CAMK2D: variants seen among roughly 807,000 people sequenced by gnomAD.
CAMK2D encodes the protein calcium/calmodulin-dependent protein kinase type II subunit delta.
CAMK2D carries 37 observed loss-of-function variants against 84.0 expected under a neutral mutation model. The ratio of observed to expected loss-of-function variants is 0.44; its 90% CI spans 0.34 to 0.58. CAMK2D has a LOEUF of 0.58. CAMK2D is among the 20% of genes least tolerant of loss of function. The pLI, the probability that CAMK2D is intolerant of heterozygous loss-of-function variation, is 0.02. For missense variants in CAMK2D, 448 were observed against 652.5 expected (o/e 0.69, Z 3.41); for synonymous variants, 202 against 212.5 (o/e 0.95, Z 0.43).
At chr4:113,699,166 A>G (rs748417891) in intron 2 of CAMK2D, among the ~76,000 whole-genome samples, 1 of 152,156 alleles carries the variant, frequency 6.6e-6, no homozygotes, top group Non-Finnish European at 1.5e-5. Flanking sequence ...AACAGAGTAC[A>G]GAAGAGGTTT....
At chr4:113,685,893 C>T (rs572735126) in intron 2 of CAMK2D, among the ~76,000 whole-genome samples, 2 of 151,776 alleles carry the variant, frequency 1.3e-5, no homozygotes, top group East Asian at 2.0e-4. Flanking sequence ...GTGAAACCCC[C>T]GTCTCTACTA....
intron 16 of CAMK2D, among the ~76,000 whole-genome samples, chr4:113,480,388 G>A (rs1252675853): frequency 6.6e-6 from 1 of 152,064 alleles, no homozygotes; most frequent in Admixed American, 6.5e-5. Flanking sequence ...ACCAAAGCGC[G>A]TCCTCCATTC....
intron 16 of CAMK2D, among the ~76,000 whole-genome samples, chr4:113,474,739 C>T (rs145032956): frequency 0.029 from 4,361 of 151,200 alleles, 216 homozygotes; most frequent in African/African-American, 0.098. Flanking sequence ...CTCCACCTCC[C>T]GGGTTCAAGC....
chr4:113,493,751 T>A (rs2097881736), intron 16 of CAMK2D, among the ~76,000 whole-genome samples: 1 of 151,814 alleles, frequency 6.6e-6, no homozygotes, highest in African/African-American at 2.4e-5. Flanking sequence ...CCAACTTGGT[T>A]CCATTCTCCC....
At chr4:113,756,549 T>A (rs1008882326) in intron 2 of CAMK2D, among the ~76,000 whole-genome samples, 6 of 152,092 alleles carry the variant, frequency 3.9e-5, no homozygotes, top group African/African-American at 1.4e-4. Flanking sequence ...TATTCATTAT[T>A]TTAAAAATTT....
At chr4:113,708,590 G>GT (rs533854215) in intron 2 of CAMK2D, among the ~76,000 whole-genome samples, 1,530 of 151,660 alleles carry the variant, frequency 0.01, 17 homozygotes, top group Non-Finnish European at 0.015. Flanking sequence ...GTGGGAGAAA[G>GT]TTTTTTTTTC....
intron 4 of CAMK2D, among the ~76,000 whole-genome samples, chr4:113,585,252 G>A (rs79779414): frequency 0.13 from 19,947 of 152,062 alleles, 1,469 homozygotes; most frequent in Non-Finnish European, 0.17. Flanking sequence ...AAGAGTAATT[G>A]ATTAATTAAT....
At chr4:113,625,999 G>C (rs1401657839) in intron 3 of CAMK2D, among the ~76,000 whole-genome samples, 1 of 150,954 alleles carries the variant, frequency 6.6e-6, no homozygotes, top group Non-Finnish European at 1.5e-5. Flanking sequence ...GGGTGACAGA[G>C]TGAGATATCA....
At chr4:113,566,670 C>G (rs2098725673) in intron 4 of CAMK2D, among the ~76,000 whole-genome samples, 1 of 152,130 alleles carries the variant, frequency 6.6e-6, no homozygotes, top group Non-Finnish European at 1.5e-5. Flanking sequence ...GCCACACTGG[C>G]CTTTGTTCTG....
chr4:113,569,563 T>G (rs1035512816), intron 4 of CAMK2D, among the ~76,000 whole-genome samples: 6 of 152,192 alleles, frequency 3.9e-5, no homozygotes, highest in African/African-American at 1.4e-4. Context: ...AAAGTTTCTT[T>G]TAAATAGAGA....
intron 1 of CAMK2D, among the ~76,000 whole-genome samples, chr4:113,760,689 A>T (rs1262200527): frequency 6.6e-6 from 1 of 152,072 alleles, no homozygotes; most frequent in Non-Finnish European, 1.5e-5. Context: ...GCGCGCGCGC[A>T]CACTTCTCAG....
At chr4:113,748,772 C>T (rs143404829) in intron 2 of CAMK2D, among the ~76,000 whole-genome samples, 359 of 152,050 alleles carry the variant, frequency 2.4e-3, no homozygotes, top group African/African-American at 8.3e-3. Context: ...GGGAAATGAA[C>T]TACAAATATG....
chr4:113,581,529 A>AAAAAAAAAAAAAAAAAAAAAAAAG (rs373642282), intron 4 of CAMK2D, among the ~76,000 whole-genome samples: 1 of 121,874 alleles, frequency 8.2e-6, no homozygotes, highest in African/African-American at 3.2e-5. Context: ...AAAAAAAAAA[A>AAAAAAAAAAAAAAAAAAAAAAAAG]AAAAGAAAAG....
intron 3 of CAMK2D, among the ~76,000 whole-genome samples, chr4:113,645,885 T>C (rs1349979882): frequency 6.6e-6 from 1 of 152,124 alleles, no homozygotes; most frequent in African/African-American, 2.4e-5. Context: ...CTGCAGGGTG[T>C]ATGAGAAACA....
At chr4:113,514,936 A>T (rs2098265528) in intron 10 of CAMK2D, 133 bp downstream of exon 10, 2 of 844,790 alleles carry the variant, frequency 2.4e-6, no homozygotes, top group South Asian at 3.2e-5. Flanking sequence ...TTTCTTAAAC[A>T]CCTCGAGTCA....
At chr4:113,669,623 G>C (rs1302527595) in intron 2 of CAMK2D, among the ~76,000 whole-genome samples, 1 of 152,202 alleles carries the variant, frequency 6.6e-6, no homozygotes, top group African/African-American at 2.4e-5. Flanking sequence ...TACCTTCTGT[G>C]ATGGTGTTGC....
At chr4:113,467,183 A>G (rs1295038909) in intron 16 of CAMK2D, among the ~76,000 whole-genome samples, 1 of 152,234 alleles carries the variant, frequency 6.6e-6, no homozygotes, top group Non-Finnish European at 1.5e-5. Context: ...TGGGAATCAC[A>G]AAATGTTACT....
At chr4:113,633,667 T>C (rs1222468756) in intron 3 of CAMK2D, among the ~76,000 whole-genome samples, 1 of 152,198 alleles carries the variant, frequency 6.6e-6, no homozygotes, top group Non-Finnish European at 1.5e-5. Flanking sequence ...GTCACTGAGA[T>C]AGTACAGAAG....
chr4:113,532,939 C>A (rs2098467622), intron 7 of CAMK2D, among the ~76,000 whole-genome samples: 1 of 151,934 alleles, frequency 6.6e-6, no homozygotes, highest in Non-Finnish European at 1.5e-5. Flanking sequence ...TAGTTACCTA[C>A]AGTTCTCGGT....
Sources: allele counts gnomAD v4.1 joint callset (sites outside exome capture counted in the v4.1 genomes callset), GRCh38; gene constraint gnomAD v4.1.1; transcripts MANE v1.5; gene names NCBI Gene and HGNC (gene_info 2026-07-23, HGNC 2026-07-21).